The following GABBR2 variants were observed in gnomAD, a reference collection of about 807,000 sequenced individuals.
The protein encoded by GABBR2 is gamma-aminobutyric acid type B receptor subunit 2, also known as G-protein coupled receptor 51.
In GABBR2, 23 loss-of-function variants were observed where a neutral mutation model predicts 105.6. The ratio of observed to expected loss-of-function variants is 0.22; its 90% confidence interval spans 0.16 to 0.31. The LOEUF is 0.31. Ranked by LOEUF, GABBR2 falls within the 10% of genes least tolerant of loss-of-function variation. GABBR2 has a pLI of 1.00. For missense variants in GABBR2, 734 were observed against 1,245.5 expected (o/e 0.59, Z 6.18); for synonymous variants, 478 against 499.7 (o/e 0.96, Z 0.58).
chr9:98,361,893 G>A (rs917048866), intron 13 of GABBR2, among the ~76,000 whole-genome samples: 4 of 152,168 alleles, frequency 2.6e-5, no homozygotes, highest in African/African-American at 9.7e-5. Flanking sequence ...AAACCTTCTT[G>A]TCTAGAAAGA....
At chr9:98,493,894 G>A (rs891111913) in intron 4 of GABBR2, among the ~76,000 whole-genome samples, 3 of 152,182 alleles carry the variant, frequency 2.0e-5, no homozygotes, top group Admixed American at 1.3e-4. Flanking sequence ...TCTGCTTCCT[G>A]GAGCTTACAT....
In GABBR2 at chr9:98,460,127, C is replaced by T. The variant is rs140975001; in HGVS notation, c.1000-5910G>A. ...ATGAACTTTAAAATAGCAAGGTTGG[C>T]GGGAATGGTGGCTCACGCCTGTATT... On this transcript the variant is annotated intron_variant, in intron 6 of 18. Transcript: ENST00000259455. Among the ~76,000 whole-genome samples, 14 of 152,276 alleles carry T rather than the reference C, an allele frequency of 9.2e-5. No homozygotes were observed. In the East Asian group the frequency reaches 9.6e-4, roughly 10 times the overall value.
intron 12 of GABBR2, among the ~76,000 whole-genome samples, chr9:98,368,022 T>A (rs1325578049): frequency 6.6e-6 from 1 of 152,094 alleles, no homozygotes; most frequent in Non-Finnish European, 1.5e-5. Flanking sequence ...GTGGCCCTGA[T>A]CCCCTCTGTG....
At chr9:98,432,121 C>CA (rs1243939187) in intron 7 of GABBR2, among the ~76,000 whole-genome samples, 14 of 152,160 alleles carry the variant, frequency 9.2e-5, no homozygotes, top group African/African-American at 2.7e-4. Context: ...GTTTTGAACT[C>CA]CTGATCTCAA....
chr9:98,363,059 C>T (rs1831615078), intron 12 of GABBR2, among the ~76,000 whole-genome samples: 1 of 152,190 alleles, frequency 6.6e-6, no homozygotes, highest in African/African-American at 2.4e-5. Context: ...CACATATGTG[C>T]ATTTTGTTGA....
At chr9:98,415,415 T>C (rs1035486961) in intron 7 of GABBR2, among the ~76,000 whole-genome samples, 2 of 152,198 alleles carry the variant, frequency 1.3e-5, no homozygotes, top group African/African-American at 4.8e-5. Flanking sequence ...TTAATTTATT[T>C]ACTGTTTTGT....
At chr9:98,571,619 C>T (rs7044074) in intron 2 of GABBR2, among the ~76,000 whole-genome samples, 15,852 of 152,188 alleles carry the variant, frequency 0.1, 1,646 homozygotes, top group African/African-American at 0.27. Context: ...AGAATTTGCA[C>T]TGTTACCAAG....
chr9:98,577,871 C>T, intron 2 of GABBR2, 64 bp downstream of exon 2: 2 of 1,492,242 alleles, frequency 1.3e-6, no homozygotes, highest in Non-Finnish European at 1.8e-6. Context: ...AGGAATAATT[C>T]CTGCAAAAGA....
intron 9 of GABBR2, among the ~76,000 whole-genome samples, chr9:98,392,375 G>A (rs1405058279): frequency 6.6e-6 from 1 of 152,250 alleles, no homozygotes; most frequent in African/African-American, 2.4e-5. Flanking sequence ...TCCGATAGCA[G>A]ACATGCCGAT....
intron 13 of GABBR2, among the ~76,000 whole-genome samples, chr9:98,342,063 G>A (rs1831222893): frequency 6.6e-6 from 1 of 152,106 alleles, no homozygotes; most frequent in Non-Finnish European, 1.5e-5. Context: ...AGACAAGAGG[G>A]GACCGGCACA....
intron 7 of GABBR2, among the ~76,000 whole-genome samples, chr9:98,416,413 C>T (rs1832690388): frequency 6.6e-6 from 1 of 152,234 alleles, no homozygotes; most frequent in South Asian, 2.1e-4. Context: ...GCTCCCAAGC[C>T]TGCCCTCTCT....
intron 3 of GABBR2, among the ~76,000 whole-genome samples, chr9:98,497,076 C>G (rs140440139): frequency 2.0e-5 from 3 of 152,286 alleles, no homozygotes; most frequent in African/African-American, 7.2e-5. Flanking sequence ...CCAGGACCAG[C>G]CAGTGTGTGA....
chr9:98,320,383 CTG>C (rs1293088492), intron 13 of GABBR2, among the ~76,000 whole-genome samples: 1 of 151,860 alleles, frequency 6.6e-6, no homozygotes, highest in Admixed American at 6.6e-5. Context: ...GTTGGTGGGA[CTG>C]TAAACTAGTT....
At chr9:98,544,984 T>C (rs1442087065) in intron 2 of GABBR2, among the ~76,000 whole-genome samples, 1 of 152,194 alleles carries the variant, frequency 6.6e-6, no homozygotes, top group African/African-American at 2.4e-5. Context: ...AAGGAGCTAT[T>C]AGAAAAACCT....
intron 1 of GABBR2, among the ~76,000 whole-genome samples, chr9:98,704,221 C>A (rs1403482191): frequency 6.6e-6 from 1 of 152,154 alleles, no homozygotes; most frequent in African/African-American, 2.4e-5. Context: ...TCCTTTAAAT[C>A]CTTTTTAAAG....
At chr9:98,318,249 G>C (rs1375878808) in intron 13 of GABBR2, among the ~76,000 whole-genome samples, 1 of 152,230 alleles carries the variant, frequency 6.6e-6, no homozygotes, top group East Asian at 1.9e-4. Flanking sequence ...TTTCTAAGCA[G>C]TTCCAGGGGA....
At chr9:98,519,772 C>T (rs1219964834) in intron 3 of GABBR2, among the ~76,000 whole-genome samples, 2 of 149,764 alleles carry the variant, frequency 1.3e-5, no homozygotes, top group African/African-American at 4.9e-5. Context: ...GCAGGACTTA[C>T]ATGTTTTTTC....
At chr9:98,514,758 T>C (rs1588206730) in intron 3 of GABBR2, among the ~76,000 whole-genome samples, 1 of 151,312 alleles carries the variant, frequency 6.6e-6, no homozygotes, top group South Asian at 2.1e-4. Context: ...ATGTAACAAA[T>C]CTGCACGTTG....
intron 1 of GABBR2, among the ~76,000 whole-genome samples, chr9:98,697,860 C>G (rs1830776306): frequency 6.6e-6 from 1 of 152,214 alleles, no homozygotes; most frequent in Non-Finnish European, 1.5e-5. Context: ...CGGGGGCATT[C>G]GCATGGGCTC....
Sources: gnomAD v4.1 joint callset for allele counts (sites outside exome capture counted in the v4.1 genomes callset) on GRCh38, gnomAD v4.1.1 for gene constraint, MANE v1.5 for transcripts, NCBI Gene and HGNC (gene_info 2026-07-23, HGNC 2026-07-21) for gene names.